Variants in ANKRD26 observed in about 807,000 individuals in gnomAD.
The protein encoded by ANKRD26 is ankyrin repeat domain-containing protein 26.
In ANKRD26, 141 loss-of-function variants were observed where a neutral mutation model predicts 208.7. The ratio of observed to expected loss-of-function variants is 0.68; its 90% confidence interval spans 0.59 to 0.78. The LOEUF (loss-of-function observed/expected upper bound fraction) is 0.78. Ranked by LOEUF, ANKRD26 falls within the 30% of genes least tolerant of loss-of-function variation. The probability of loss-of-function intolerance (pLI) is 0.00; values close to 1 mark genes in which losing one functional copy is unlikely to be tolerated. For missense variants in ANKRD26, 1,889 were observed against 1,938.7 expected (o/e 0.97, Z 0.48); for synonymous variants, 636 against 660.4 (o/e 0.96, Z 0.57).
intron 7 of ANKRD26, 93 bp from the exon 8 acceptor site, chr10:27,077,786 T>C: frequency 8.8e-7 from 1 of 1,134,874 alleles, no homozygotes; most frequent in African/African-American, 1.5e-5. Flanking sequence ...TACTACATGA[T>C]CTAACACAAA....
At chr10:26,986,491 C>A (rs1279376884) in intron 3 of ANKRD26, among the ~76,000 whole-genome samples, 1 of 152,152 alleles carries the variant, frequency 6.6e-6, no homozygotes, top group Non-Finnish European at 1.5e-5. Flanking sequence ...AGTGAACAGG[C>A]AACCTACAGA....
intron 16 of ANKRD26, 78 bp from the exon 17 acceptor site, chr10:27,049,057 A>T: frequency 2.4e-6 from 3 of 1,273,464 alleles, no homozygotes; most frequent in Non-Finnish European, 3.3e-6. Flanking sequence ...TGAGTTTATC[A>T]TTTGACTCAG....
chr10:27,067,709 T>C (rs911576388), intron 9 of ANKRD26, among the ~76,000 whole-genome samples: 1 of 152,136 alleles, frequency 6.6e-6, no homozygotes, highest in South Asian at 2.1e-4. Context: ...TGCTAAACCA[T>C]TCACTAGAAA....
At position 27,053,399 on chromosome 10, in the gene ANKRD26, A is replaced by G. The variant is rs772747868; in HGVS notation, c.1565-9T>C. On this transcript the variant is annotated splice_polypyrimidine_tract_variant and intron_variant, in intron 15 of 33. Transcript: ENST00000376087. ...TTCTAAGTCATGTTCAGCTGAAAAA[A>G]TCCAAATATTTAGTTTAATGAACTA... The G allele has an allele frequency of 2.5e-6, 4 of 1,603,778 alleles. No individual in the cohort carries two copies. The highest frequency in any genetic ancestry group is 3.4e-6 in the Non-Finnish European group (4 of 1,172,486).
the ANKRD26 span, among the ~76,000 whole-genome samples, chr10:26,962,293 C>G: frequency 6.6e-6 from 1 of 151,990 alleles, no homozygotes; most frequent in Non-Finnish European, 1.5e-5. Flanking sequence ...TAATTAGCCA[C>G]GCGGCCAGGT....
rs2054335477 is a variant in ANKRD26, at chr10:27,043,535, A to G, written c.2052T>C (p.Val684=). Residue 684 remains valine (V), a synonymous_variant, in exon 20 of 34, where the codon GTT becomes GTC. Coordinates refer to ENST00000376087, the MANE Select transcript of ANKRD26 (RefSeq NM_014915.3). The part of the protein sequence containing the change: ...VKNQIQSMDD[V]DDLTQSSETA... ...TTTCAGATGACTGAGTTAAGTCATCAACATCATCCATAGACTGTATTTGGT... is the reference window on the plus strand; with the variant it reads ...TTTCAGATGACTGAGTTAAGTCATCGACATCATCCATAGACTGTATTTGGT... 1.9e-6 allele frequency: 3 copies of G among 1,613,696 alleles called. No individual in the cohort carries two copies. The African/African-American group carries it at 4.0e-5, about 22-fold the overall frequency.
chr10:27,038,085 G>C lies in ANKRD26; in HGVS notation c.2376-31C>G, dbSNP rs188459340. On this transcript the variant is annotated intron_variant, in intron 21 of 33. Transcript: ENST00000376087. ...GTTAAATATGTTTATCTTAAAATCT[G>C]TATTGTTACAAAATAAAAAGTTCAT... 1.9e-5 allele frequency: 29 copies of C among 1,567,414 alleles called. No individual in the cohort carries two copies. In the Admixed American group the frequency reaches 4.2e-4, roughly 23 times the overall value.
At chr10:27,081,867 A>AG (rs1157612418) in intron 6 of ANKRD26, among the ~76,000 whole-genome samples, 37 of 151,872 alleles carry the variant, frequency 2.4e-4, no homozygotes, top group South Asian at 1.0e-3. Flanking sequence ...CCTCCTGAGT[A>AG]CTGGGACTAT....
At chr10:27,018,227 C>A (rs574533013) in intron 29 of ANKRD26, among the ~76,000 whole-genome samples, 1 of 150,104 alleles carries the variant, frequency 6.7e-6, no homozygotes, top group African/African-American at 2.5e-5. Flanking sequence ...CTTTGCCTCC[C>A]GGGTTCATGC....
intron 29 of ANKRD26, among the ~76,000 whole-genome samples, chr10:27,018,030 C>T (rs1354014966): frequency 1.3e-5 from 2 of 152,090 alleles, no homozygotes; most frequent in African/African-American, 2.4e-5. Flanking sequence ...ACAACATTTG[C>T]ACTTGATCTT....
chr10:27,017,665 T>C lies in ANKRD26; in HGVS notation c.4343A>G (p.Gln1448Arg), dbSNP rs1426673464. ...TTGTTCCAACTTCTTTTTATTCTTC[T>C]GTAGTTTTTCACATTTCTTTTGTAC... Reference protein sequence around the residue: ...KTVQKKCEKLQKNKKKLEQEV... With the variant: ...KTVQKKCEKLRKNKKKLEQEV... The change falls in exon 30 of 34, where the codon CAG becomes CGG. Residue 1448 changes from glutamine to arginine, a missense_variant. Around this residue, in one of 3 missense-constraint regions of ANKRD26, gnomAD observed 613 missense variants for 648.2 expected, o/e 0.95. Transcript: ENST00000376087. 6.2e-7 allele frequency: 1 copy of C among 1,613,502 alleles called. No homozygotes were observed. Among genetic ancestry groups the C allele is most frequent in the Non-Finnish European group, 8.5e-7 (1 of 1,179,858 alleles).
At chr10:27,074,987 T>G (rs1231353367) in intron 9 of ANKRD26, among the ~76,000 whole-genome samples, 1 of 152,046 alleles carries the variant, frequency 6.6e-6, no homozygotes, top group Non-Finnish European at 1.5e-5. Flanking sequence ...CAAGCAAAAC[T>G]AAGTTTCATA....
rs758257855 is a variant in ANKRD26, at chr10:27,035,072, A to G, written c.3378T>C (p.Ile1126=). 8.1e-5 allele frequency: 131 copies of G among 1,613,124 alleles called. No individual in the cohort carries two copies. The highest frequency in any genetic ancestry group is 1.1e-4 in the Non-Finnish European group (130 of 1,179,752). The part of the protein sequence containing the change: ...QNEQVKVNKY[I]GKQESVEERL... ...TCTCCTCTACAGACTCCTGCTTTCC[A>G]ATGTATTTATTCACTTTAACTTGTT... is the stretch of plus-strand genomic sequence containing the variant. The change falls in exon 24 of 34, where the codon ATT becomes ATC. Residue 1126 remains isoleucine, a synonymous_variant. Transcript: ENST00000376087.
intron 11 of ANKRD26, chr10:27,066,165 T>C (rs116135107): frequency 0.021 from 3,631 of 171,192 alleles, 120 homozygotes; most frequent in African/African-American, 0.081. Flanking sequence ...CTGGCCGACC[T>C]GAAATAATTC....
Position 27,100,112 on chromosome 10 carries a change from C to A in ANKRD26, c.215G>T (p.Gly72Val). The change falls in exon 1 of 34, where the codon GGC becomes GTC. Residue 72 changes from glycine (G) to valine (V), a missense_variant. Gly to Val is a moderately radical substitution (Grantham distance 109, BLOSUM62 -3). Coordinates refer to ENST00000376087, the MANE Select transcript of ANKRD26 (RefSeq NM_014915.3). The part of the protein sequence containing the change: ...VQQILLLRKN[G>V]LNDRDKMNRT... ...GTTCATCTTGTCTCTATCGTTCAAG[C>A]CATTCTTCCTGAGCAAAAGGATCTG... 2 of 1,614,132 alleles carry A rather than the reference C, an allele frequency of 1.2e-6. No individual in the cohort carries two copies. The highest frequency in any genetic ancestry group is 1.7e-6 in the Non-Finnish European group (2 of 1,179,992).
At chr10:26,968,778 T>C in the ANKRD26 span, among the ~76,000 whole-genome samples, 1 of 152,226 alleles carries the variant, frequency 6.6e-6, no homozygotes, top group East Asian at 1.9e-4. Context: ...ATTTAGCTAG[T>C]GGCATTCCAC....
chr10:27,096,952 C>T (rs2056486764), intron 1 of ANKRD26, among the ~76,000 whole-genome samples: 1 of 151,740 alleles, frequency 6.6e-6, no homozygotes, highest in Non-Finnish European at 1.5e-5. Context: ...GAGGCCAAGG[C>T]AGGCAGATCA....
downstream of ANKRD26, among the ~76,000 whole-genome samples, chr10:26,987,300 T>G (rs559367820): frequency 1.2e-4 from 19 of 152,042 alleles, no homozygotes; most frequent in Admixed American, 5.9e-4. Context: ...GTATGGGGGA[T>G]GGATAGCATT....
At chr10:27,069,737 AT>A (rs2055409945) in intron 9 of ANKRD26, among the ~76,000 whole-genome samples, 2 of 152,230 alleles carry the variant, frequency 1.3e-5, no homozygotes, top group South Asian at 4.1e-4. Flanking sequence ...GAATTAAATA[AT>A]ATGAACCTAC....
Sources: allele counts gnomAD v4.1 joint callset (sites outside exome capture counted in the v4.1 genomes callset), GRCh38; gene constraint gnomAD v4.1.1; regional missense constraint gnomAD v4.1.1; transcripts MANE v1.5; gene names NCBI Gene and HGNC (gene_info 2026-07-23, HGNC 2026-07-21).